Variants in ARHGAP32 observed in about 807,000 individuals in gnomAD.
The protein encoded by ARHGAP32 is Rho GTPase activating protein 32.
A neutral mutation model predicts 186.5 loss-of-function variants in ARHGAP32; 51 were observed. The ratio of observed to expected loss-of-function variants is 0.27; its 90% CI spans 0.22 to 0.35. The LOEUF (loss-of-function observed/expected upper bound fraction) is 0.35. Among genes scored for constraint, ARHGAP32 ranks in the 10% least tolerant of loss-of-function variants. The pLI is 1.00. For synonymous variants in ARHGAP32, 950 were observed against 964.3 expected (o/e 0.99, Z 0.27); for missense variants, 2,186 against 2,623.5 (o/e 0.83, Z 3.64).
At chr11:129,058,380 G>C (rs1940351905) in intron 10 of ARHGAP32, among the ~76,000 whole-genome samples, 1 of 152,076 alleles carries the variant, frequency 6.6e-6, no homozygotes, top group African/African-American at 2.4e-5. Context: ...TTACATTAGA[G>C]AAATTTTATA....
At chr11:129,172,889 A>G (rs1304696100) in intron 1 of ARHGAP32, among the ~76,000 whole-genome samples, 1 of 152,070 alleles carries the variant, frequency 6.6e-6, no homozygotes, top group Non-Finnish European at 1.5e-5. Flanking sequence ...TAAAAGAGCT[A>G]AAGGCAAGAG....
At chr11:129,056,668 G>C (rs1940264586) in intron 10 of ARHGAP32, among the ~76,000 whole-genome samples, 1 of 152,206 alleles carries the variant, frequency 6.6e-6, no homozygotes, top group African/African-American at 2.4e-5. Flanking sequence ...TGGCCAGAAA[G>C]GAGATCACAC....
At chr11:129,060,136 G>T (rs79552355) in intron 10 of ARHGAP32, among the ~76,000 whole-genome samples, 1 of 152,106 alleles carries the variant, frequency 6.6e-6, no homozygotes, top group South Asian at 2.1e-4. Context: ...AATTGTGTGC[G>T]TCTCAACAAA....
At chr11:129,040,465 T>C (rs498870) in intron 11 of ARHGAP32, among the ~76,000 whole-genome samples, 18,752 of 152,164 alleles carry the variant, frequency 0.12, 1,327 homozygotes, top group Non-Finnish European at 0.15. Context: ...GCTTTATTTG[T>C]AATATATTCT....
At chr11:129,010,244 T>C (rs948290952) in intron 11 of ARHGAP32, among the ~76,000 whole-genome samples, 1 of 152,192 alleles carries the variant, frequency 6.6e-6, no homozygotes, top group African/African-American at 2.4e-5. Context: ...ATGTAGGCTG[T>C]CTCTTCAGTG....
intron 1 of ARHGAP32, among the ~76,000 whole-genome samples, chr11:129,251,566 A>G (rs987573333): frequency 5.3e-5 from 8 of 152,184 alleles, no homozygotes. Flanking sequence ...CATCAACAAT[A>G]TATGAATTAC....
At chr11:129,251,876 A>G (rs1262444294) in intron 1 of ARHGAP32, among the ~76,000 whole-genome samples, 1 of 150,726 alleles carries the variant, frequency 6.6e-6, no homozygotes, top group African/African-American at 2.4e-5. Context: ...CGGAGGTTGC[A>G]GTGAGCTGAG....
intron 1 of ARHGAP32, among the ~76,000 whole-genome samples, chr11:129,171,175 T>C (rs1943751869): frequency 6.6e-6 from 1 of 152,276 alleles, no homozygotes. Context: ...TTTTGTTTAA[T>C]TAGATCCCAT....
chr11:129,066,208 A>G (rs573687551), intron 7 of ARHGAP32, among the ~76,000 whole-genome samples: 1 of 152,096 alleles, frequency 6.6e-6, no homozygotes, highest in East Asian at 1.9e-4. Context: ...GGCTATATTT[A>G]CTTTTCCCCA....
At chr11:129,181,562 C>G (rs565301128) in intron 1 of ARHGAP32, among the ~76,000 whole-genome samples, 15 of 152,130 alleles carry the variant, frequency 9.9e-5, no homozygotes, top group Non-Finnish European at 1.9e-4. Context: ...TCTTAAAATA[C>G]AGGAACTCTG....
chr11:129,085,460 A>T lies in ARHGAP32; in HGVS notation c.531+8161T>A, dbSNP rs1354844310. Among the ~76,000 whole-genome samples, 5 of 152,246 alleles carry T rather than the reference A, an allele frequency of 3.3e-5. No homozygotes were observed. In the East Asian group the frequency reaches 9.6e-4, roughly 29 times the overall value. On this transcript the variant is annotated intron_variant, in intron 6 of 22. Coordinates refer to ENST00000682385, the MANE Select transcript of ARHGAP32 (RefSeq NM_001378024.1). ...CTACAAAACTCTGGTGAAAGATGTC[A>T]AAGACCTAAATAAATGGAGAAATGT...
intron 1 of ARHGAP32, among the ~76,000 whole-genome samples, chr11:129,228,642 G>A (rs865861109): frequency 1.3e-5 from 2 of 152,152 alleles, no homozygotes; most frequent in Non-Finnish European, 2.9e-5. Flanking sequence ...TCACTATTAA[G>A]TGGGAGCTGA....
rs185365677 is a variant in ARHGAP32 at position 129,243,193 on chromosome 11, T to C, written c.-5+35953A>G. 1.4e-4 allele frequency among the ~76,000 whole-genome samples: 21 copies of C among 152,306 alleles called. No individual in the cohort carries two copies. In the East Asian group the frequency reaches 4.1e-3, roughly 29 times the overall value. ...ATTATTTTCCAATGTGCATTAAGAC[T>C]AATGCAATAAATCCCCAAGTCCCTC... On this transcript the variant is annotated intron_variant, in intron 1 of 6. Transcript: ENST00000525234.
chr11:129,085,034 T>C (rs775960944), intron 6 of ARHGAP32, among the ~76,000 whole-genome samples: 3 of 152,112 alleles, frequency 2.0e-5, no homozygotes, highest in Non-Finnish European at 4.4e-5. Context: ...TATTATTTTT[T>C]TTTTTTAGAG....
intron 10 of ARHGAP32, among the ~76,000 whole-genome samples, chr11:129,045,435 A>T (rs1408977235): frequency 6.6e-6 from 1 of 152,222 alleles, no homozygotes; most frequent in African/African-American, 2.4e-5. Flanking sequence ...AGTCTTTTAA[A>T]AGAGTCAGTT....
intron 6 of ARHGAP32, among the ~76,000 whole-genome samples, chr11:129,087,092 C>A (rs2135246556): frequency 6.6e-6 from 1 of 152,262 alleles, no homozygotes; most frequent in South Asian, 2.1e-4. Context: ...ACACTGACAA[C>A]AAATGCTGGC....
At chr11:128,978,036 C>T (rs1034503092) in intron 19 of ARHGAP32, among the ~76,000 whole-genome samples, 20 of 151,940 alleles carry the variant, frequency 1.3e-4, no homozygotes, top group Admixed American at 1.2e-3. Flanking sequence ...ATTTCAATAA[C>T]TATGATTCTG....
intron 10 of ARHGAP32, among the ~76,000 whole-genome samples, chr11:129,059,437 G>A (rs546912590): frequency 1.3e-5 from 2 of 151,534 alleles, no homozygotes; most frequent in African/African-American, 2.4e-5. Context: ...ATGGACTAAT[G>A]TGTAGAAACA....
intron 6 of ARHGAP32, among the ~76,000 whole-genome samples, chr11:129,075,093 C>T (rs2135193838): frequency 6.6e-6 from 1 of 151,848 alleles, no homozygotes; most frequent in East Asian, 1.9e-4. Flanking sequence ...GTATGGAAAA[C>T]AAAAATAGGA....
Sources: gnomAD v4.1 joint callset for allele counts (sites outside exome capture counted in the v4.1 genomes callset) on GRCh38, gnomAD v4.1.1 for gene constraint, MANE v1.5 for transcripts, NCBI Gene and HGNC (gene_info 2026-07-23, HGNC 2026-07-21) for gene names.